The following GPHN variants were observed in gnomAD, a reference collection of about 807,000 sequenced individuals.
GPHN encodes gephyrin.
GPHN carries 17 observed loss-of-function variants against 95.5 expected under a neutral mutation model. The observed-to-expected ratio is 0.18, with a 90% CI of 0.12 to 0.27. The LOEUF (loss-of-function observed/expected upper bound fraction) is 0.27. Ranked by LOEUF, GPHN falls within the 10% of genes least tolerant of loss-of-function variation. The pLI is 1.00. For synonymous variants in GPHN, 320 were observed against 322.5 expected (o/e 0.99, Z 0.08); for missense variants, 660 against 978.1 (o/e 0.67, Z 4.34).
chr14:66,629,061 C>A (rs1256904459), intron 1 of GPHN, among the ~76,000 whole-genome samples: 1 of 135,350 alleles, frequency 7.4e-6, no homozygotes, highest in Non-Finnish European at 1.5e-5. Context: ...AGAGTAAGAC[C>A]CCATCTCAAA....
chr14:66,632,621 T>C (rs2063876428), intron 1 of GPHN, among the ~76,000 whole-genome samples: 1 of 151,568 alleles, frequency 6.6e-6, no homozygotes, highest in African/African-American at 2.4e-5. Context: ...GCCTCCTGAG[T>C]AGCTGGGACT....
At chr14:67,450,488 A>G in the GPHN span, among the ~76,000 whole-genome samples, 49 of 152,322 alleles carry the variant, frequency 3.2e-4, no homozygotes, top group Non-Finnish European at 3.5e-4. Context: ...TATGGACAAT[A>G]AAGTCAGGCT....
At chr14:66,997,961 A>G (rs552756116) in intron 9 of GPHN, among the ~76,000 whole-genome samples, 1 of 152,212 alleles carries the variant, frequency 6.6e-6, no homozygotes. Context: ...TAAAAAATAT[A>G]TAACCCATTT....
the GPHN span, among the ~76,000 whole-genome samples, chr14:67,548,632 G>A: frequency 2.0e-5 from 3 of 152,246 alleles, no homozygotes; most frequent in African/African-American, 7.2e-5. Context: ...GGGAGGCAGA[G>A]GTTGCGGTGA....
At chr14:66,864,772 CA>C (rs79443126) in intron 4 of GPHN, among the ~76,000 whole-genome samples, 13 of 144,988 alleles carry the variant, frequency 9.0e-5, no homozygotes, top group Admixed American at 1.4e-4. Context: ...GACTCTGTCT[CA>C]AAAAAAAAAA....
At chr14:67,094,591 A>G (rs1268632949) in intron 12 of GPHN, among the ~76,000 whole-genome samples, 1 of 152,130 alleles carries the variant, frequency 6.6e-6, no homozygotes, top group Non-Finnish European at 1.5e-5. Context: ...TTCATGTGCT[A>G]TCATGCCTCC....
Position 66,508,195 on chromosome 14 carries a change from C to A in GPHN, c.-333C>A. 2.0e-6 allele frequency: 1 copy of A among 501,332 alleles called. No individual in the cohort carries two copies. The highest frequency in any genetic ancestry group is 3.6e-6 in the Non-Finnish European group (1 of 274,024). The allele number at this position is 501,332 out of a possible 1,614,324, so 31.1% of individuals were successfully genotyped here. A position where few individuals can be genotyped will look rare whatever the true frequency, so the allele number is the denominator to read the frequency against. On this transcript the variant is annotated 5_prime_UTR_variant, in exon 1 of 23. Coordinates refer to ENST00000478722, the MANE Select transcript of GPHN (RefSeq NM_020806.5). The stretch of plus-strand genomic sequence containing the variant: ...TAGCTGCCTTGGGTCTCGCGCTCCG[C>A]AGAGCGTTCCGACACTCTCCGGCCT...
the GPHN span, chr14:67,199,889 C>G: frequency 1.5e-5 from 22 of 1,485,548 alleles, no homozygotes; most frequent in Non-Finnish European, 1.9e-5. Flanking sequence ...GGCCCCCCAT[C>G]GGCAGGAACC....
chr14:66,782,926 C>T (rs2059657455), intron 3 of GPHN, among the ~76,000 whole-genome samples: 1 of 152,114 alleles, frequency 6.6e-6, no homozygotes, highest in South Asian at 2.1e-4. Context: ...ACCTGGGAAC[C>T]TCAGGAATTG....
At chr14:67,537,346 A>AAATAATAATAATAATAATAATAAT in the GPHN span, among the ~76,000 whole-genome samples, 1 of 126,602 alleles carries the variant, frequency 7.9e-6, no homozygotes, top group African/African-American at 3.1e-5. Flanking sequence ...TCCATCTCAA[A>AAATAATAATAATAATAATAATAAT]AATAATAATA....
rs191155290 is a variant in GPHN at position 67,096,720 on chromosome 14, G to A, written c.1238-4136G>A. Reference sequence around the variant, plus strand: ...AACCTCCACTCCCCACCCCCCACCCGGTTCTCAAGCCATCTTTGTGCCTCA... The same window carrying A: ...AACCTCCACTCCCCACCCCCCACCCAGTTCTCAAGCCATCTTTGTGCCTCA... On this transcript the variant is annotated intron_variant, in intron 12 of 22. Transcript: ENST00000478722. Among the ~76,000 whole-genome samples the A allele has an allele frequency of 7.6e-5, 7 of 92,398 alleles. No individual in the cohort carries two copies. In the East Asian group the frequency reaches 1.5e-3, roughly 19 times the overall value. 60.6% of individuals were successfully genotyped at this position (92,398 alleles called of 152,430 possible). A position where few individuals can be genotyped will look rare whatever the true frequency, so the allele number is the denominator to read the frequency against.
At chr14:67,544,359 T>G in the GPHN span, among the ~76,000 whole-genome samples, 1 of 152,112 alleles carries the variant, frequency 6.6e-6, no homozygotes, top group African/African-American at 2.4e-5. Context: ...GTGATACCCC[T>G]GGGGAGCCTG....
intron 1 of GPHN, among the ~76,000 whole-genome samples, chr14:66,598,663 G>T (rs1007825277): frequency 6.6e-6 from 1 of 152,072 alleles, no homozygotes; most frequent in African/African-American, 2.4e-5. Context: ...TGACCAACAT[G>T]GTGAAACCCC....
At chr14:66,675,442 C>T (rs1336942700) in intron 1 of GPHN, among the ~76,000 whole-genome samples, 1 of 152,098 alleles carries the variant, frequency 6.6e-6, no homozygotes, top group South Asian at 2.1e-4. Context: ...CCGCTCCCGG[C>T]CCCTTTTTCC....
the GPHN span, chr14:67,561,948 G>C: frequency 1.9e-6 from 3 of 1,607,620 alleles, 1 homozygote; most frequent in Admixed American, 5.0e-5. Context: ...TTTTCTTTTT[G>C]CTCAGCTTGA....
chr14:66,961,880 A>G (rs1159985578), intron 8 of GPHN, among the ~76,000 whole-genome samples: 1 of 123,358 alleles, frequency 8.1e-6, no homozygotes, highest in African/African-American at 2.9e-5. Flanking sequence ...CCTATAACCA[A>G]CCATTCTATC....
chr14:66,725,128 T>G (rs1192873635), intron 2 of GPHN, among the ~76,000 whole-genome samples: 4 of 152,174 alleles, frequency 2.6e-5, no homozygotes, highest in Non-Finnish European at 5.9e-5. Context: ...ATGACAACAC[T>G]GCAAGAAGAT....
the GPHN span, chr14:67,204,456 A>AATAT: frequency 2.9e-6 from 4 of 1,361,190 alleles, no homozygotes; most frequent in Non-Finnish European, 2.9e-6. Context: ...CAAACAAACA[A>AATAT]ATATATATAT....
the GPHN span, among the ~76,000 whole-genome samples, chr14:67,607,250 G>A: frequency 6.6e-6 from 1 of 152,186 alleles, no homozygotes; most frequent in Non-Finnish European, 1.5e-5. Flanking sequence ...CTACCCTGCT[G>A]CATAGTACAA....
Sources: allele counts gnomAD v4.1 joint callset (sites outside exome capture counted in the v4.1 genomes callset), GRCh38; gene constraint gnomAD v4.1.1; transcripts MANE v1.5; gene names NCBI Gene and HGNC (gene_info 2026-07-23, HGNC 2026-07-21).